Variants in ZNF385B observed in about 807,000 individuals in gnomAD.
ZNF385B encodes zinc finger protein 385B.
Under a neutral mutation model 39.2 loss-of-function variants are expected in ZNF385B, and 23 were observed. That is an observed-to-expected ratio of 0.59 (90% CI 0.42 to 0.83). The LOEUF is 0.83. Among genes scored for constraint, ZNF385B ranks in the 40% least tolerant of loss-of-function variants. ZNF385B has a pLI of 0.00. For missense variants in ZNF385B, 552 were observed against 598.9 expected (o/e 0.92, Z 0.82); for synonymous variants, 205 against 222.6 (o/e 0.92, Z 0.70).
chr2:179,585,176 A>C (rs977082204), intron 3 of ZNF385B, among the ~76,000 whole-genome samples: 2 of 152,232 alleles, frequency 1.3e-5, no homozygotes, highest in Non-Finnish European at 2.9e-5. Context: ...TAATGGAATG[A>C]TGTAAAGACA....
intron 1 of ZNF385B, among the ~76,000 whole-genome samples, chr2:179,836,607 T>C (rs540171644): frequency 4.2e-5 from 6 of 142,962 alleles, no homozygotes; most frequent in Non-Finnish European, 7.5e-5. Context: ...CAAGCTCCGC[T>C]TCCCGGGTTC....
intron 3 of ZNF385B, among the ~76,000 whole-genome samples, chr2:179,742,775 A>G (rs780887082): frequency 1.3e-4 from 20 of 152,092 alleles, no homozygotes; most frequent in Non-Finnish European, 2.4e-4. Context: ...TTTGGATAGT[A>G]CTTTCATTTT....
chr2:179,628,165 G>A (rs748851292), intron 3 of ZNF385B, among the ~76,000 whole-genome samples: 21 of 151,764 alleles, frequency 1.4e-4, no homozygotes, highest in Admixed American at 3.9e-4. Context: ...TACTATTATC[G>A]CATGTTAAAA....
chr2:179,624,542 GT>G (rs748199917), intron 3 of ZNF385B, among the ~76,000 whole-genome samples: 3 of 152,188 alleles, frequency 2.0e-5, no homozygotes, highest in Non-Finnish European at 4.4e-5. Flanking sequence ...AGCAAGAATA[GT>G]ACTACTAGAA....
intron 3 of ZNF385B, among the ~76,000 whole-genome samples, chr2:179,609,570 T>C (rs1189666933): frequency 6.6e-6 from 1 of 152,226 alleles, no homozygotes; most frequent in Non-Finnish European, 1.5e-5. Context: ...TAGACTGATT[T>C]CCTTTCTTTT....
At chr2:179,851,429 G>C (rs1684141475) in intron 1 of ZNF385B, among the ~76,000 whole-genome samples, 1 of 152,168 alleles carries the variant, frequency 6.6e-6, no homozygotes, top group African/African-American at 2.4e-5. Flanking sequence ...CAGTCTGGGT[G>C]ACAGAGCAAG....
chr2:179,633,103 C>G (rs1421593448), intron 3 of ZNF385B, among the ~76,000 whole-genome samples: 2 of 152,176 alleles, frequency 1.3e-5, no homozygotes, highest in African/African-American at 4.8e-5. Context: ...GACAGATTCA[C>G]AGCTGAATTC....
rs548264559 is a variant in ZNF385B at position 179,495,015 on chromosome 2, A to G, written c.553-11581T>C. ...TAAAGGCGACTTTGTCTTGCACCTTAGATATCAGCACGGCCACAGAGGGAT... is the reference window on the plus strand; with the variant it reads ...TAAAGGCGACTTTGTCTTGCACCTTGGATATCAGCACGGCCACAGAGGGAT... On this transcript the variant is annotated intron_variant, in intron 5 of 9. Transcript: ENST00000410066. Among the ~76,000 whole-genome samples, 20 of 152,294 alleles carry G rather than the reference A, an allele frequency of 1.3e-4. No homozygotes were observed. The South Asian group carries it at 4.2e-3, about 32-fold the overall frequency.
chr2:179,849,128 C>T (rs1708949894), intron 1 of ZNF385B, among the ~76,000 whole-genome samples: 2 of 151,816 alleles, frequency 1.3e-5, no homozygotes, highest in Non-Finnish European at 2.9e-5. Context: ...ACAAAGAATA[C>T]AGTCTTATCC....
At chr2:179,599,601 G>T (rs953869763) in intron 3 of ZNF385B, among the ~76,000 whole-genome samples, 5 of 152,044 alleles carry the variant, frequency 3.3e-5, no homozygotes, top group African/African-American at 1.2e-4. Context: ...TAAATGTCAT[G>T]GCCTTCCATG....
chr2:179,746,193 C>T (rs1017066178), intron 3 of ZNF385B, among the ~76,000 whole-genome samples: 1 of 152,138 alleles, frequency 6.6e-6, no homozygotes, highest in Admixed American at 6.5e-5. Flanking sequence ...AGCACCAAAC[C>T]TTGTGGAATA....
intron 1 of ZNF385B, among the ~76,000 whole-genome samples, chr2:179,816,358 G>A (rs73973764): frequency 0.058 from 8,834 of 152,166 alleles, 302 homozygotes; most frequent in Non-Finnish European, 0.068. Context: ...GGTCCCCGCC[G>A]AAGGGACCTT....
At chr2:179,493,573 ATATGTG>A (rs1326172104) in intron 5 of ZNF385B, among the ~76,000 whole-genome samples, 1 of 149,356 alleles carries the variant, frequency 6.7e-6, no homozygotes, top group Admixed American at 6.7e-5. Context: ...ATGCGTATAC[ATATGTG>A]TATGTGTACA....
At chr2:179,518,715 A>C in intron 4 of ZNF385B, 77 bp from the exon 5 acceptor site, 1 of 832,656 alleles carries the variant, frequency 1.2e-6, no homozygotes. Context: ...ACAGTAGTTG[A>C]AATATTCCAT....
At chr2:179,777,246 T>A (rs1704379028) in intron 1 of ZNF385B, among the ~76,000 whole-genome samples, 1 of 152,128 alleles carries the variant, frequency 6.6e-6, no homozygotes, top group Non-Finnish European at 1.5e-5. Flanking sequence ...ATATGTGTAT[T>A]TCAGATAAAA....
chr2:179,632,971 T>C (rs1026499884), intron 3 of ZNF385B, among the ~76,000 whole-genome samples: 3 of 152,206 alleles, frequency 2.0e-5, no homozygotes, highest in African/African-American at 4.8e-5. Context: ...GATAAATTCC[T>C]GGACGCATAG....
chr2:179,654,427 G>C (rs1378688231), intron 3 of ZNF385B, among the ~76,000 whole-genome samples: 2 of 152,106 alleles, frequency 1.3e-5, no homozygotes, highest in East Asian at 1.9e-4. Context: ...TGTCACATGG[G>C]CCAGGGCTCT....
At chr2:179,820,720 G>A (rs1445329774) in intron 1 of ZNF385B, among the ~76,000 whole-genome samples, 1 of 151,914 alleles carries the variant, frequency 6.6e-6, no homozygotes, top group Admixed American at 6.6e-5. Context: ...TTCTTAAAAG[G>A]CTATAATTGT....
chr2:179,777,329 A>C (rs1255642888), intron 1 of ZNF385B, among the ~76,000 whole-genome samples: 1 of 152,210 alleles, frequency 6.6e-6, no homozygotes, highest in Admixed American at 6.5e-5. Flanking sequence ...ATTTCTTCTT[A>C]CAAACATAAA....
Sources: gnomAD v4.1 joint callset for allele counts (sites outside exome capture counted in the v4.1 genomes callset) on GRCh38, gnomAD v4.1.1 for gene constraint, MANE v1.5 for transcripts, NCBI Gene and HGNC (gene_info 2026-07-23, HGNC 2026-07-21) for gene names.